The following HS6ST2 variants were observed in gnomAD, a reference collection of about 807,000 sequenced individuals.
HS6ST2 encodes the protein heparan-sulfate 6-O-sulfotransferase 2.
In HS6ST2, 17 loss-of-function variants were observed where a neutral mutation model predicts 33.0. That is an observed-to-expected ratio of 0.52 (90% CI 0.35 to 0.77). The LOEUF (loss-of-function observed/expected upper bound fraction) is 0.77, where lower values mean the gene tolerates loss of function less well. Among genes scored for constraint, HS6ST2 ranks in the 30% least tolerant of loss-of-function variants. HS6ST2 has a pLI of 0.01. For missense variants in HS6ST2, 519 were observed against 551.7 expected (o/e 0.94, Z 0.59); for synonymous variants, 248 against 237.1 (o/e 1.05, Z -0.42).
chrX:132,841,292 T>C (rs1417190200), intron 2 of HS6ST2, among the ~76,000 whole-genome samples: 1 of 111,400 alleles, frequency 9.0e-6, no homozygotes, highest in African/African-American at 3.3e-5. Context: ...ATAATCAGTA[T>C]ACATATTGCT....
At chrX:132,665,797 A>T (rs775768717) in intron 4 of HS6ST2, among the ~76,000 whole-genome samples, 115 of 110,739 alleles carry the variant, frequency 1.0e-3, no homozygotes, top group Admixed American at 4.0e-3. Context: ...TTGGCATAGA[A>T]GAAACTGCTT....
intron 2 of HS6ST2, among the ~76,000 whole-genome samples, chrX:132,933,743 G>A (rs2066797957): frequency 9.0e-6 from 1 of 111,606 alleles, no homozygotes; most frequent in Non-Finnish European, 1.9e-5. Context: ...TCACACAGAG[G>A]AACCTCAATA....
At chrX:132,805,202 C>G (rs1028131060) in intron 2 of HS6ST2, among the ~76,000 whole-genome samples, 1 of 111,783 alleles carries the variant, frequency 8.9e-6, no homozygotes, top group East Asian at 2.8e-4. Flanking sequence ...TCTATACACA[C>G]ATGGCCACCT....
intron 3 of HS6ST2, among the ~76,000 whole-genome samples, chrX:132,708,195 C>T (rs941494753): frequency 7.6e-5 from 8 of 105,346 alleles, no homozygotes; most frequent in African/African-American, 2.8e-4. Flanking sequence ...TGACCTACTG[C>T]ACACCTGTCT....
At chrX:132,851,972 C>T (rs1176172356) in intron 2 of HS6ST2, among the ~76,000 whole-genome samples, 1 of 111,019 alleles carries the variant, frequency 9.0e-6, no homozygotes, top group Non-Finnish European at 1.9e-5. Context: ...AAGACCGTGT[C>T]TCTACAAAAA....
chrX:132,894,511 T>TTATGTTATG (rs1556488995), intron 2 of HS6ST2, among the ~76,000 whole-genome samples: 7 of 108,471 alleles, frequency 6.5e-5, no homozygotes, highest in African/African-American at 2.4e-4. Flanking sequence ...TTATGTTATG[T>TTATGTTATG]TATGTTATGT....
intron 2 of HS6ST2, among the ~76,000 whole-genome samples, chrX:132,855,245 G>T (rs1220338340): frequency 8.9e-6 from 1 of 111,813 alleles, no homozygotes; most frequent in Non-Finnish European, 1.9e-5. Flanking sequence ...CATTTGTTGA[G>T]GTTCTACCAT....
rs1603286808 is a variant in HS6ST2, at chrX:132,628,709, A to G, written c.1452T>C (p.Phe484=). The change falls in exon 5 of 5, where the codon TTT becomes TTC. Residue 484 remains phenylalanine (F), a synonymous_variant. Coordinates refer to ENST00000370833, the MANE Select transcript of HS6ST2 (RefSeq NM_001394073.1). ...TEFQRKTQYL[F]EKTFNMNFIS... is the part of the protein sequence containing the mutation. ...TAAAGTTCATGTTGAAGGTTTTCTC[A>G]AACAGATATTGGGTCTTCCGCTGAA... 6 of 1,211,666 alleles carry G rather than the reference A, an allele frequency of 5.0e-6. No homozygotes were observed. The East Asian group carries it at 1.8e-4, about 36-fold the overall frequency.
At chrX:132,910,107 G>C (rs2066518705) in intron 2 of HS6ST2, among the ~76,000 whole-genome samples, 1 of 111,939 alleles carries the variant, frequency 8.9e-6, no homozygotes. Flanking sequence ...CTGGAATCCT[G>C]AAAGCCTTCA....
At chrX:132,858,397 T>C (rs2065874898) in intron 2 of HS6ST2, among the ~76,000 whole-genome samples, 1 of 112,324 alleles carries the variant, frequency 8.9e-6, no homozygotes, top group Non-Finnish European at 1.9e-5. Flanking sequence ...TGTCTAATGA[T>C]ATTGATGAAA....
intron 2 of HS6ST2, among the ~76,000 whole-genome samples, chrX:132,906,666 C>T (rs889385184): frequency 9.1e-6 from 1 of 110,331 alleles, no homozygotes; most frequent in Admixed American, 9.6e-5. Context: ...TCTAGCAGGT[C>T]CCTCAAGAAG....
chrX:132,955,461 T>C lies in HS6ST2; in HGVS notation c.947+1347A>G, dbSNP rs186110944. 2.7e-5 allele frequency among the ~76,000 whole-genome samples: 3 copies of C among 112,432 alleles called. No homozygotes were observed. In the Admixed American group the frequency reaches 2.8e-4, roughly 11 times the overall value. On this transcript the variant is annotated intron_variant, in intron 2 of 4. Coordinates refer to ENST00000370833, the MANE Select transcript of HS6ST2 (RefSeq NM_001394073.1). ...TGGTAATCTGAAAGTCAGAGGGCTC[T>C]AGGGCTCTATTTGCTGCAGTTGGAC...
intron 2 of HS6ST2, among the ~76,000 whole-genome samples, chrX:132,772,782 TTA>T (rs1402523651): frequency 1.1e-5 from 1 of 92,099 alleles, no homozygotes; most frequent in Non-Finnish European, 2.0e-5. Flanking sequence ...ATATATTATT[TTA>T]TATATGATAT....
At chrX:132,778,547 G>A (rs1023108813) in intron 2 of HS6ST2, among the ~76,000 whole-genome samples, 7 of 100,171 alleles carry the variant, frequency 7.0e-5, no homozygotes, top group Non-Finnish European at 1.0e-4. Flanking sequence ...TTACAGGTGC[G>A]TGCCACCACA....
intron 2 of HS6ST2, among the ~76,000 whole-genome samples, chrX:132,711,486 C>G (rs911019080): frequency 3.6e-5 from 4 of 111,571 alleles, no homozygotes; most frequent in South Asian, 7.7e-4. Flanking sequence ...CTCTTCTCCA[C>G]TCTCCCAGTG....
At chrX:132,654,331 C>T (rs1197422282) in intron 4 of HS6ST2, among the ~76,000 whole-genome samples, 2 of 110,913 alleles carry the variant, frequency 1.8e-5, no homozygotes, top group African/African-American at 6.6e-5. Context: ...CTTCAATCAA[C>T]TGGTTTTTAA....
At chrX:132,710,196 A>G (rs1392109008) in intron 2 of HS6ST2, among the ~76,000 whole-genome samples, 1 of 111,019 alleles carries the variant, frequency 9.0e-6, no homozygotes, top group Non-Finnish European at 1.9e-5. Context: ...TGAAGACGTT[A>G]CAGGTGCATC....
At chrX:132,681,830 C>T (rs1381258636) in intron 3 of HS6ST2, among the ~76,000 whole-genome samples, 2 of 111,691 alleles carry the variant, frequency 1.8e-5, no homozygotes, top group Non-Finnish European at 3.8e-5. Flanking sequence ...GTCTTTAAAC[C>T]TATACAAACC....
chrX:132,689,861 C>G (rs1254586619), intron 3 of HS6ST2, among the ~76,000 whole-genome samples: 1 of 102,663 alleles, frequency 9.7e-6, no homozygotes, highest in Non-Finnish European at 2.0e-5. Flanking sequence ...CGTAAGCTTT[C>G]TTAAAACATT....
Sources: gnomAD v4.1 joint callset for allele counts (sites outside exome capture counted in the v4.1 genomes callset) on GRCh38, gnomAD v4.1.1 for gene constraint, MANE v1.5 for transcripts, NCBI Gene and HGNC (gene_info 2026-07-23, HGNC 2026-07-21) for gene names.